Variants in MICAL3 observed in about 807,000 individuals in gnomAD.
The protein encoded by MICAL3 is [F-actin]-monooxygenase MICAL3.
MICAL3 carries 62 observed loss-of-function variants against 207.4 expected under a neutral mutation model. The observed-to-expected ratio is 0.30, with a 90% confidence interval of 0.24 to 0.37. MICAL3 has a LOEUF of 0.37. Among genes scored for constraint, MICAL3 ranks in the 10% least tolerant of loss-of-function variants. The pLI is 1.00. For missense variants in MICAL3, 2,368 were observed against 2,635.6 expected (o/e 0.90, Z 2.22); for synonymous variants, 1,077 against 1,069.3 (o/e 1.01, Z -0.14).
intron 1 of MICAL3, among the ~76,000 whole-genome samples, chr22:17,954,769 C>G (rs1344394170): frequency 6.8e-6 from 1 of 148,006 alleles, no homozygotes; most frequent in Admixed American, 6.8e-5. Context: ...TTTTTTGAGA[C>G]GGAATCTCGC....
intron 1 of MICAL3, among the ~76,000 whole-genome samples, chr22:17,945,031 G>C (rs1241886002): frequency 7.1e-6 from 1 of 140,264 alleles, no homozygotes; most frequent in Non-Finnish European, 1.5e-5. Flanking sequence ...TTTTTCAACA[G>C]TATGACCAGG....
At chr22:17,834,640 G>A (rs1351036370) in intron 20 of MICAL3, 19 of 1,030,854 alleles carry the variant, frequency 1.8e-5, no homozygotes, top group Admixed American at 1.6e-4. Flanking sequence ...ATGCTAAAGC[G>A]CAGCAGAACA....
intron 1 of MICAL3, among the ~76,000 whole-genome samples, chr22:17,947,722 A>AC (rs1252432121): frequency 6.7e-6 from 1 of 148,926 alleles, no homozygotes; most frequent in Non-Finnish European, 1.5e-5. Context: ...GCACCACCAC[A>AC]CCCGGCTGAT....
intron 1 of MICAL3, among the ~76,000 whole-genome samples, chr22:17,990,027 A>C (rs1921483747): frequency 6.6e-6 from 1 of 152,120 alleles, no homozygotes; most frequent in Non-Finnish European, 1.5e-5. Flanking sequence ...CCTAAAACCC[A>C]GGGCAACACA....
chr22:17,931,033 T>C (rs1432938755), intron 1 of MICAL3, among the ~76,000 whole-genome samples: 1 of 152,216 alleles, frequency 6.6e-6, no homozygotes, highest in Non-Finnish European at 1.5e-5. Flanking sequence ...GTTCCGGGCA[T>C]CCCTGTGAGC....
In MICAL3 at chr22:17,817,625, G is replaced by A; in HGVS notation, c.5036C>T (p.Ser1679Leu). ...SEEVLSPPSD[S>L]GGPDGSFTSS... The stretch of plus-strand genomic sequence containing the variant: ...AGTGAAAGAGCCATCTGGGCCCCCT[G>A]AGTCCGACGGCGGGGAGAGGACCTC... Residue 1679 changes from serine (S) to leucine (L), a missense_variant, in exon 26 of 32, where the codon TCA becomes TTA. By Grantham distance (145) the Ser-to-Leu change is moderately radical. This residue lies in a region of MICAL3 where 1,770 missense variants were observed against 1,863.2 expected (regional missense o/e 0.95). Coordinates refer to ENST00000441493, the MANE Select transcript of MICAL3 (RefSeq NM_015241.3). 2 of 1,612,954 alleles carry A rather than the reference G, an allele frequency of 1.2e-6. No homozygotes were observed. Among genetic ancestry groups the A allele is most frequent in the Admixed American group, 3.3e-5 (2 of 60,000 alleles).
At chr22:17,794,317 C>T (rs1018155761) in intron 29 of MICAL3, among the ~76,000 whole-genome samples, 2 of 152,272 alleles carry the variant, frequency 1.3e-5, no homozygotes, top group African/African-American at 2.4e-5. Context: ...GCCAACATGG[C>T]TTCCAGGCTT....
chr22:17,888,822 G>A (rs1930148228), intron 13 of MICAL3, among the ~76,000 whole-genome samples: 1 of 152,222 alleles, frequency 6.6e-6, no homozygotes, highest in Non-Finnish European at 1.5e-5. Context: ...TATAAATGCA[G>A]TGAGAAAGAA....
At chr22:18,016,927 C>G (rs452407) in intron 1 of MICAL3, among the ~76,000 whole-genome samples, 88,299 of 151,174 alleles carry the variant, frequency 0.58, 26,516 homozygotes, top group East Asian at 0.78. Context: ...GTGACAGAGC[C>G]AGACTCTGTC....
chr22:17,977,140 A>G (rs1935696419), intron 1 of MICAL3, among the ~76,000 whole-genome samples: 1 of 152,200 alleles, frequency 6.6e-6, no homozygotes, highest in South Asian at 2.1e-4. Context: ...AAGCACAGAA[A>G]ACTGATGTGC....
In MICAL3 at chr22:17,822,107, T is replaced by C; in HGVS notation, c.3371A>G (p.Glu1124Gly). The C allele has an allele frequency of 6.2e-7, 1 of 1,613,898 alleles. No homozygotes were observed. Among genetic ancestry groups the C allele is most frequent in the Non-Finnish European group, 8.5e-7 (1 of 1,179,888 alleles). Residue 1124 changes from glutamate to glycine, a missense_variant, in exon 24 of 32, where the codon GAG (glutamate) becomes GGG (glycine). This residue lies in a region of MICAL3 where 1,770 missense variants were observed against 1,863.2 expected (regional missense o/e 0.95). Transcript: ENST00000441493. ...DRELRLPCPA[E>G]GEAELELRVS... ...CCTCAGCTCCAGCTCTGCTTCCCCC[T>C]CAGCTGGGCACGGCAAACGCAGCTC... is the stretch of plus-strand genomic sequence containing the variant.
At chr22:17,834,856 CTGTT>C (rs1923195827) in intron 20 of MICAL3, among the ~76,000 whole-genome samples, 1 of 152,210 alleles carries the variant, frequency 6.6e-6, no homozygotes, top group Non-Finnish European at 1.5e-5. Flanking sequence ...TCATTTAACA[CTGTT>C]TGAACATAAA....
intron 19 of MICAL3, among the ~76,000 whole-genome samples, chr22:17,852,466 A>T (rs1459603960): frequency 6.6e-6 from 1 of 152,180 alleles, no homozygotes; most frequent in Non-Finnish European, 1.5e-5. Context: ...GGCTCTAAAC[A>T]AGCAGACAGA....
intron 16 of MICAL3, chr22:17,876,990 AGGGAGGTGAGGGAGGTTATGGAG>A (rs1463746234): frequency 1.6e-5 from 2 of 128,336 alleles, no homozygotes; most frequent in African/African-American, 3.4e-5. Context: ...TAGGGAGGTT[AGGGAGGTGAGGGAGGTTATGGAG>A]GTTATGGAGG....
intron 1 of MICAL3, among the ~76,000 whole-genome samples, chr22:17,957,415 TA>T (rs1934669593): frequency 6.6e-6 from 1 of 152,190 alleles, no homozygotes; most frequent in Non-Finnish European, 1.5e-5. Context: ...AAAATGTGAA[TA>T]GAAAGCCTTC....
At chr22:17,822,387 G>A (rs1921745539) in intron 23 of MICAL3, among the ~76,000 whole-genome samples, 2 of 152,230 alleles carry the variant, frequency 1.3e-5, no homozygotes, top group Non-Finnish European at 2.9e-5. Context: ...ACGCGGGGCC[G>A]CATCAAAGCC....
chr22:17,948,404 T>A (rs1269152341), intron 1 of MICAL3, among the ~76,000 whole-genome samples: 1 of 152,130 alleles, frequency 6.6e-6, no homozygotes, highest in Non-Finnish European at 1.5e-5. Flanking sequence ...CATGATGGTG[T>A]CCCGAGGCGG....
chr22:17,927,816 A>AAG (rs1245467306), intron 1 of MICAL3, among the ~76,000 whole-genome samples: 1 of 151,986 alleles, frequency 6.6e-6, no homozygotes, highest in Non-Finnish European at 1.5e-5. Context: ...TTCTCAGAAC[A>AAG]ACTTTGCCCT....
rs1300244846 is a variant in MICAL3 at position 17,790,568 on chromosome 22, T to TC, written c.*163dup. 9.3e-6 allele frequency: 6 copies of TC among 643,726 alleles called. No homozygotes were observed. Among genetic ancestry groups the TC allele is most frequent in the Non-Finnish European group, 1.3e-5 (5 of 378,514 alleles). 39.9% of individuals were successfully genotyped at this position (643,726 alleles called of 1,614,324 possible). ...TCAGATAACCACTGTCACCTGGGGC[T>TC]CCCCACTGCACGCGGGACTCGACCA... is the stretch of plus-strand genomic sequence containing the variant. On this transcript the variant is annotated 3_prime_UTR_variant, in exon 32 of 32. Coordinates refer to ENST00000441493, the MANE Select transcript of MICAL3 (RefSeq NM_015241.3).
Sources: gnomAD v4.1 joint callset for allele counts (sites outside exome capture counted in the v4.1 genomes callset) on GRCh38, gnomAD v4.1.1 for gene constraint, gnomAD v4.1.1 regional missense constraint, MANE v1.5 for transcripts, NCBI Gene and HGNC (gene_info 2026-07-23, HGNC 2026-07-21) for gene names.